The following CDC14A variants were observed in gnomAD, a reference collection of about 807,000 sequenced individuals.
CDC14A encodes cell division cycle 14A, also known as dual specificity protein phosphatase CDC14A.
In CDC14A, 53 loss-of-function variants were observed where a neutral mutation model predicts 74.4. That is an observed-to-expected ratio of 0.71 (90% CI 0.57 to 0.89). The LOEUF (loss-of-function observed/expected upper bound fraction) is 0.89. CDC14A is among the 40% of genes least tolerant of loss of function. The probability of loss-of-function intolerance (pLI) is 0.00; values close to 1 mark genes in which losing one functional copy is unlikely to be tolerated. For missense variants in CDC14A, 646 were observed against 713.7 expected, an observed-to-expected ratio of 0.91 and a Z score of 1.08; for synonymous variants, 247 against 258.4, an observed-to-expected ratio of 0.96 and a Z score of 0.43.
In CDC14A at chr1:100,415,764, A is replaced by G. The variant is rs145023859; in HGVS notation, c.310-8458A>G. Among the ~76,000 whole-genome samples, 14 of 152,358 alleles carry G rather than the reference A, an allele frequency of 9.2e-5. No homozygotes were observed. In the East Asian group the frequency reaches 2.5e-3, roughly 27 times the overall value. On this transcript the variant is annotated intron_variant, in intron 4 of 15. Transcript: ENST00000336454. ...AGTTGTGTTTCTGATTTGTAATCAG[A>G]CTGACTTTCCTAATTCATATGTGAT...
chr1:100,461,019 C>G (rs909769177), intron 8 of CDC14A, among the ~76,000 whole-genome samples: 8 of 152,176 alleles, frequency 5.3e-5, no homozygotes, highest in Non-Finnish European at 8.8e-5. Context: ...AAACATAAAG[C>G]ATTTAATACA....
At chr1:100,367,114 T>C (rs1653740940) in intron 2 of CDC14A, among the ~76,000 whole-genome samples, 1 of 152,116 alleles carries the variant, frequency 6.6e-6, no homozygotes, top group African/African-American at 2.4e-5. Context: ...ACTTCAAGTT[T>C]AGGAGTGCAC....
At chr1:100,459,126 C>CAGAGAGAGAGAGAGAGAGAG (rs112078644) in intron 8 of CDC14A, among the ~76,000 whole-genome samples, 1 of 144,686 alleles carries the variant, frequency 6.9e-6, no homozygotes, top group African/African-American at 2.6e-5. Context: ...CACACACACA[C>CAGAGAGAGAGAGAGAGAGAG]AGAGAGAGAG....
chr1:100,420,078 A>ATATATATATATATG (rs1662159591), intron 4 of CDC14A, among the ~76,000 whole-genome samples: 1 of 114,352 alleles, frequency 8.7e-6, no homozygotes, highest in Non-Finnish European at 1.8e-5. Context: ...ATATATATAT[A>ATATATATATATATG]TATAGTGTGT....
rs530556223 is a variant in CDC14A at position 100,505,832 on chromosome 1, G to A, written c.1755+6570G>A. Among the ~76,000 whole-genome samples the A allele has an allele frequency of 4.6e-5, 7 of 152,264 alleles. No homozygotes were observed. The South Asian group carries it at 6.2e-4, about 14-fold the overall frequency. ...TGGTTTATTTGGCTCACAATTCTGT[G>A]GGCTGTACGAGCATGGCACCAACAA... is the stretch of plus-strand genomic sequence containing the variant. On this transcript the variant is annotated intron_variant, in intron 15 of 15. Coordinates refer to ENST00000336454, the MANE Select transcript of CDC14A (RefSeq NM_003672.4).
At chr1:100,448,131 C>A (rs1665757372) in intron 7 of CDC14A, among the ~76,000 whole-genome samples, 1 of 152,086 alleles carries the variant, frequency 6.6e-6, no homozygotes, top group African/African-American at 2.4e-5. Flanking sequence ...ACATTTATTA[C>A]CCCATTCAAA....
chr1:100,350,945 C>G (rs1168455111), upstream of CDC14A, among the ~76,000 whole-genome samples: 12 of 152,242 alleles, frequency 7.9e-5, no homozygotes, highest in South Asian at 1.4e-3. Flanking sequence ...GTAATCCCAG[C>G]GCTGTGGCAG....
chr1:100,373,089 A>G (rs557642155), intron 2 of CDC14A, among the ~76,000 whole-genome samples: 7 of 152,338 alleles, frequency 4.6e-5, no homozygotes, highest in East Asian at 1.9e-4. Context: ...CTTTTGGCCT[A>G]TCTTGGCTTT....
intron 8 of CDC14A, among the ~76,000 whole-genome samples, chr1:100,460,242 C>T (rs1295314642): frequency 1.3e-5 from 2 of 152,186 alleles, no homozygotes; most frequent in Admixed American, 6.5e-5. Flanking sequence ...CATATTTGGA[C>T]AATTTCTGTC....
chr1:100,360,851 A>T (rs1414236813), intron 2 of CDC14A, among the ~76,000 whole-genome samples: 1 of 152,194 alleles, frequency 6.6e-6, no homozygotes, highest in Non-Finnish European at 1.5e-5. Flanking sequence ...AAGGAGAGTT[A>T]TCTTAACAGG....
chr1:100,500,743 CAAAAAAAAAA>C (rs67947647), intron 15 of CDC14A, among the ~76,000 whole-genome samples: 7 of 53,862 alleles, frequency 1.3e-4, no homozygotes, highest in East Asian at 1.3e-3. Flanking sequence ...GAGCCACTCT[CAAAAAAAAAA>C]AAAAAAAAAA....
chr1:100,347,135 A>G (rs1446927429), intron 1 of CDC14A, among the ~76,000 whole-genome samples: 60 of 152,252 alleles, frequency 3.9e-4, no homozygotes, highest in Non-Finnish European at 5.9e-5. Context: ...ATAATCTATA[A>G]GTTAAACAAT....
At chr1:100,499,345 C>A in intron 15 of CDC14A, 83 bp downstream of exon 15, 1 of 1,613,708 alleles carries the variant, frequency 6.2e-7, no homozygotes, top group South Asian at 1.1e-5. Context: ...AGGCTGCCAC[C>A]AAAGAAATTT....
At chr1:100,440,194 C>T (rs968236849) in intron 6 of CDC14A, among the ~76,000 whole-genome samples, 196 bp downstream of exon 6, 1 of 152,016 alleles carries the variant, frequency 6.6e-6, no homozygotes, top group African/African-American at 2.4e-5. Context: ...GTGGCAGGGG[C>T]CTTTCTTTGT....
intron 7 of CDC14A, among the ~76,000 whole-genome samples, chr1:100,454,374 G>T (rs1313341120): frequency 6.6e-6 from 1 of 152,060 alleles, no homozygotes; most frequent in Non-Finnish European, 1.5e-5. Flanking sequence ...GGGAGGGGGT[G>T]GTGGTGGTAA....
At chr1:100,353,365 C>G (rs1468352565) in intron 1 of CDC14A, among the ~76,000 whole-genome samples, 2 of 152,230 alleles carry the variant, frequency 1.3e-5, no homozygotes, top group African/African-American at 2.4e-5. Context: ...ACCACACCCC[C>G]CAAGTCTCTC....
At chr1:100,382,470 T>A (rs1322582149) in intron 3 of CDC14A, among the ~76,000 whole-genome samples, 1 of 151,268 alleles carries the variant, frequency 6.6e-6, no homozygotes, top group Non-Finnish European at 1.5e-5. Flanking sequence ...ACTTCTGGGC[T>A]TAAGCTAGCT....
At chr1:100,516,532 C>T (rs1480717699) in intron 15 of CDC14A, among the ~76,000 whole-genome samples, 1 of 152,130 alleles carries the variant, frequency 6.6e-6, no homozygotes, top group African/African-American at 2.4e-5. Context: ...TAAATATTCT[C>T]AAGAAAGCAC....
chr1:100,497,482 A>G (rs987095842), intron 13 of CDC14A, among the ~76,000 whole-genome samples: 6 of 152,226 alleles, frequency 3.9e-5, no homozygotes, highest in African/African-American at 1.4e-4. Context: ...GAAAGATGAA[A>G]TGATTTAAAC....
Sources: allele counts gnomAD v4.1 joint callset (sites outside exome capture counted in the v4.1 genomes callset), GRCh38; gene constraint gnomAD v4.1.1; transcripts MANE v1.5; gene names NCBI Gene and HGNC (gene_info 2026-07-23, HGNC 2026-07-21).